The following FOCAD variants were observed in gnomAD, a reference collection of about 807,000 sequenced individuals.
FOCAD encodes KIAA1797.
Under a neutral mutation model 225.6 loss-of-function variants are expected in FOCAD, and 198 were observed. The observed-to-expected ratio is 0.88, with a 90% confidence interval of 0.78 to 0.99. The LOEUF (loss-of-function observed/expected upper bound fraction) is 0.99, where lower values mean the gene tolerates loss of function less well. Ranked by LOEUF, FOCAD falls within the 50% of genes least tolerant of loss-of-function variation. The probability of loss-of-function intolerance (pLI) is 0.00; values close to 1 mark genes in which losing one functional copy is unlikely to be tolerated. For synonymous variants in FOCAD, 897 were observed against 755.0 expected (o/e 1.19, Z -3.08); for missense variants, 2,713 against 2,123.6 (o/e 1.28, Z -5.46).
chr9:20,837,851 G>A (rs554517223), intron 15 of FOCAD, among the ~76,000 whole-genome samples: 102 of 152,078 alleles, frequency 6.7e-4, no homozygotes, highest in Non-Finnish European at 1.1e-3. Context: ...TTCTCCATGC[G>A]TAGGATAAAA....
At chr9:20,874,512 T>A (rs993459236) in intron 18 of FOCAD, 169 bp from the exon 19 acceptor site, 3 of 608,194 alleles carry the variant, frequency 4.9e-6, no homozygotes, top group Non-Finnish European at 8.3e-6. Context: ...ATTTAGTTAA[T>A]CTAAAAAATG....
intron 1 of FOCAD, among the ~76,000 whole-genome samples, chr9:20,697,118 A>G (rs1823438047): frequency 6.6e-6 from 1 of 152,224 alleles, no homozygotes; most frequent in Non-Finnish European, 1.5e-5. Flanking sequence ...AGACTAAGAC[A>G]TCAATTATAC....
intron 28 of FOCAD, among the ~76,000 whole-genome samples, chr9:20,940,093 G>C (rs1199484924): frequency 6.6e-6 from 1 of 152,082 alleles, no homozygotes. Context: ...TATTGAGAGA[G>C]AGACGGGTAG....
rs1364829529 is a variant in FOCAD at position 20,920,623 on chromosome 9, C to T, written c.2853-3037C>T. On this transcript the variant is annotated intron_variant, in intron 24 of 43. Coordinates refer to ENST00000338382, the MANE Select transcript of FOCAD (RefSeq NM_001375567.1). ...TGTGGCACATATACACCATGGAATA[C>T]TATGCAGCCATAAAAAAGGATGAGT... is the stretch of plus-strand genomic sequence containing the variant. 3.4e-5 allele frequency among the ~76,000 whole-genome samples: 5 copies of T among 147,636 alleles called. 1 individual carries two copies. The highest frequency in any genetic ancestry group is 6.0e-5 in the Non-Finnish European group (4 of 66,570).
intron 33 of FOCAD, 100 bp from the exon 34 acceptor site, chr9:20,950,896 C>T: frequency 1.0e-6 from 1 of 980,218 alleles, no homozygotes; most frequent in Non-Finnish European, 1.6e-6. Flanking sequence ...CCAGCCAAGC[C>T]ACCACCTCCT....
chr9:20,874,576 A>G, intron 18 of FOCAD, 105 bp from the exon 19 acceptor site: 2 of 1,145,576 alleles, frequency 1.7e-6, no homozygotes, highest in Non-Finnish European at 1.2e-6. Flanking sequence ...AGAGTGATGG[A>G]GTCTAACAAA....
In FOCAD at chr9:20,990,286, G is replaced by C. The variant is rs760010980; in HGVS notation, c.5168G>C (p.Arg1723Thr). 1 of 1,614,118 alleles carries C rather than the reference G, an allele frequency of 6.2e-7. No individual in the cohort carries two copies. Among genetic ancestry groups the C allele is most frequent in the Non-Finnish European group, 8.5e-7 (1 of 1,180,002 alleles). The change falls in exon 42 of 44, where the codon AGG (arginine) becomes ACG (threonine). Residue 1723 changes from arginine (R) to threonine (T), a missense_variant. Arg to Thr is a moderately conservative substitution (Grantham distance 71). Transcript: ENST00000338382. ...TTCCTTGGCAGGAGTCCAATGCACA[G>C]GGTCACTCTGCAGGAGGTTCTCACT... is the stretch of plus-strand genomic sequence containing the variant. ...PSFLGRSPMH[R>T]VTLQEVLTLL...
chr9:20,758,354 CTT>C lies in FOCAD; in HGVS notation c.494+167_494+168del, dbSNP rs551285655. On this transcript the variant is annotated intron_variant, in intron 6 of 43. Transcript: ENST00000338382. Reference sequence around the variant, plus strand: ...CTAGAGCAGGTTGTAGTTTTCTTTTCTTTTTAAATTTAATTTTATTATTATTA... The same window carrying C: ...CTAGAGCAGGTTGTAGTTTTCTTTTCTTTAAATTTAATTTTATTATTATTA... Among the ~76,000 whole-genome samples, 214 of 151,594 alleles carry C rather than the reference CTT, an allele frequency of 1.4e-3. 3 individuals are homozygous for C. Among genetic ancestry groups the C allele is most frequent in the African/African-American group, 4.9e-3 (202 of 41,326 alleles).
chr9:20,781,447 T>C (rs999046470), intron 9 of FOCAD, among the ~76,000 whole-genome samples: 4 of 152,072 alleles, frequency 2.6e-5, no homozygotes, highest in Non-Finnish European at 5.9e-5. Flanking sequence ...TCAGAGGATA[T>C]TAAGGGCAAA....
intron 14 of FOCAD, among the ~76,000 whole-genome samples, chr9:20,822,423 A>T (rs577142670): frequency 1.3e-5 from 2 of 152,166 alleles, no homozygotes; most frequent in African/African-American, 4.8e-5. Flanking sequence ...ATATATGTGG[A>T]TTAGAAAGGA....
At chr9:20,918,241 A>C (rs575868750) in intron 24 of FOCAD, among the ~76,000 whole-genome samples, 154 of 152,324 alleles carry the variant, frequency 1.0e-3, no homozygotes, top group Non-Finnish European at 1.7e-3. Context: ...GAAACTACCA[A>C]CTTTCTCCTA....
intron 11 of FOCAD, among the ~76,000 whole-genome samples, chr9:20,791,967 TC>T (rs1380101104): frequency 6.6e-6 from 1 of 152,220 alleles, no homozygotes; most frequent in Admixed American, 6.5e-5. Flanking sequence ...CGAGATATTA[TC>T]CTGTCTCAGC....
At chr9:20,973,836 C>A (rs1264522231) in intron 35 of FOCAD, among the ~76,000 whole-genome samples, 1 of 114,786 alleles carries the variant, frequency 8.7e-6, no homozygotes, top group Non-Finnish European at 1.9e-5. Context: ...GCCTCTGCTT[C>A]TCCTTTTTCC....
chr9:20,764,954 C>G lies in FOCAD; in HGVS notation c.580C>G (p.Leu194Val), dbSNP rs1829926209. Residue 194 changes from leucine to valine, a missense_variant, in exon 7 of 44, where the codon CTC becomes GTC. Transcript: ENST00000338382. ...EPSQLQEYAKLRLALLKVLLQ... is the reference protein window; with the variant it reads ...EPSQLQEYAKVRLALLKVLLQ... ...ATCTCAGTTACAAGAATATGCTAAA[C>G]TCCGACTAGCCCTGCTGAAAGTCTT... 12 of 1,614,100 alleles carry G rather than the reference C, an allele frequency of 7.4e-6. No individual in the cohort carries two copies. The highest frequency in any genetic ancestry group is 8.5e-6 in the Non-Finnish European group (10 of 1,180,010).
chr9:20,809,089 A>G (rs1205259793), intron 11 of FOCAD, among the ~76,000 whole-genome samples: 2 of 152,188 alleles, frequency 1.3e-5, no homozygotes, highest in Admixed American at 6.5e-5. Context: ...CCATTTTACC[A>G]CATTTATGCA....
intron 5 of FOCAD, among the ~76,000 whole-genome samples, chr9:20,747,309 C>T (rs780823032): frequency 5.9e-5 from 9 of 152,034 alleles, no homozygotes; most frequent in Admixed American, 5.2e-4. Flanking sequence ...GACTTATTTT[C>T]TAAGGGAAAT....
intron 6 of FOCAD, 78 bp downstream of exon 6, chr9:20,758,269 TTG>T: frequency 2.1e-6 from 2 of 944,930 alleles, no homozygotes; most frequent in Non-Finnish European, 3.1e-6. Context: ...GGGTTTTTTT[TTG>T]TTTGTTTGTT....
intron 4 of FOCAD, among the ~76,000 whole-genome samples, chr9:20,734,880 G>A (rs868663838): frequency 6.6e-6 from 1 of 151,962 alleles, no homozygotes; most frequent in African/African-American, 2.4e-5. Context: ...CAAGCGATTC[G>A]CCCACCTTGG....
chr9:20,709,415 T>C (rs1824652181), intron 1 of FOCAD, among the ~76,000 whole-genome samples: 1 of 151,882 alleles, frequency 6.6e-6, no homozygotes, highest in Non-Finnish European at 1.5e-5. Context: ...TGTTTTTCCT[T>C]AATGTATAAA....
Sources: allele counts gnomAD v4.1 joint callset (sites outside exome capture counted in the v4.1 genomes callset), GRCh38; gene constraint gnomAD v4.1.1; transcripts MANE v1.5; gene names NCBI Gene and HGNC (gene_info 2026-07-23, HGNC 2026-07-21).